CCSER2: variants seen among roughly 807,000 people sequenced by gnomAD.
CCSER2 encodes serine-rich coiled-coil domain-containing protein 2.
Under a neutral mutation model 92.3 loss-of-function variants are expected in CCSER2, and 46 were observed. The observed-to-expected ratio is 0.50, with a 90% CI of 0.39 to 0.64. The LOEUF (loss-of-function observed/expected upper bound fraction) is 0.64. Among genes scored for constraint, CCSER2 ranks in the 30% least tolerant of loss-of-function variants. CCSER2 has a pLI of 0.00. For synonymous variants in CCSER2, 433 were observed against 431.4 expected (o/e 1.00, Z -0.04); for missense variants, 1,244 against 1,238.9 (o/e 1.00, Z -0.06).
intron 3 of CCSER2, among the ~76,000 whole-genome samples, chr10:84,374,901 A>G (rs921002852): frequency 6.6e-5 from 10 of 152,182 alleles, no homozygotes; most frequent in African/African-American, 1.7e-4. Flanking sequence ...TACTTAAGCC[A>G]TTGTTAACGG....
At chr10:84,466,300 C>T (rs528775254) in intron 7 of CCSER2, among the ~76,000 whole-genome samples, 1 of 152,228 alleles carries the variant, frequency 6.6e-6, no homozygotes, top group African/African-American at 2.4e-5. Flanking sequence ...CTAAAGTCTC[C>T]ATTGGACCTA....
At chr10:84,356,635 A>G (rs1271042535) in intron 1 of CCSER2, among the ~76,000 whole-genome samples, 1 of 152,252 alleles carries the variant, frequency 6.6e-6, no homozygotes, top group African/African-American at 2.4e-5. Flanking sequence ...AAATTAGAAT[A>G]CATTATTAAG....
In CCSER2 at chr10:84,347,749, T is replaced by A. The variant is rs182296820; in HGVS notation, c.-40+18941T>A. 4.3e-3 allele frequency among the ~76,000 whole-genome samples: 613 copies of A among 141,804 alleles called. 6 individuals are homozygous for A. The highest frequency in any genetic ancestry group is 0.015 in the African/African-American group (576 of 37,230). The allele number at this position is 141,804 out of a possible 152,430, so 93.0% of individuals were successfully genotyped here. On this transcript the variant is annotated intron_variant, in intron 1 of 9. Transcript: ENST00000372088. Reference sequence around the variant, plus strand: ...CTCCTCACTTCTCAGACGGGGCGGCTGCCGGGCGGAGGGGCTCCTTCTCAG... The same window carrying A: ...CTCCTCACTTCTCAGACGGGGCGGCAGCCGGGCGGAGGGGCTCCTTCTCAG...
chr10:84,340,811 G>T (rs1188002757), intron 1 of CCSER2, among the ~76,000 whole-genome samples: 25 of 151,956 alleles, frequency 1.6e-4, no homozygotes, highest in Admixed American at 1.6e-3. Context: ...TTCTACATCT[G>T]ATGAGTTACT....
At chr10:84,506,578 A>G (rs1423138719) in intron 9 of CCSER2, among the ~76,000 whole-genome samples, 2 of 151,810 alleles carry the variant, frequency 1.3e-5, no homozygotes, top group African/African-American at 4.8e-5. Context: ...TGGATCACAA[A>G]GTCAGGAGTT....
intron 5 of CCSER2, among the ~76,000 whole-genome samples, chr10:84,427,083 T>A (rs1026388518): frequency 6.6e-6 from 1 of 152,212 alleles, no homozygotes; most frequent in Non-Finnish European, 1.5e-5. Context: ...AAACATATGA[T>A]CACAAATCCC....
chr10:84,471,350 T>A (rs1236527090), intron 8 of CCSER2, among the ~76,000 whole-genome samples: 1 of 151,824 alleles, frequency 6.6e-6, no homozygotes, highest in Admixed American at 6.6e-5. Flanking sequence ...AGGAAAATAA[T>A]AAGGCCTAGT....
intron 3 of CCSER2, among the ~76,000 whole-genome samples, chr10:84,411,573 A>G (rs1322614285): frequency 6.6e-6 from 1 of 151,990 alleles, no homozygotes; most frequent in Non-Finnish European, 1.5e-5. Context: ...TGTGGCAGTT[A>G]TGAATGGGAC....
chr10:84,457,937 G>A (rs1020914135), intron 6 of CCSER2, among the ~76,000 whole-genome samples: 1 of 151,372 alleles, frequency 6.6e-6, no homozygotes, highest in African/African-American at 2.4e-5. Flanking sequence ...GTAGAGATGG[G>A]GTTTTACCAT....
intron 3 of CCSER2, among the ~76,000 whole-genome samples, chr10:84,383,504 G>T (rs981926911): frequency 6.6e-6 from 1 of 151,942 alleles, no homozygotes; most frequent in Admixed American, 6.6e-5. Context: ...TAGAGACGGG[G>T]TTTCACCATG....
intron 1 of CCSER2, among the ~76,000 whole-genome samples, chr10:84,354,250 C>CTTTT (rs536114225): frequency 2.7e-5 from 4 of 145,858 alleles, no homozygotes; most frequent in African/African-American, 1.0e-4. Context: ...TCTCAAGTTA[C>CTTTT]TTTTTTTTTT....
At chr10:84,495,432 T>C (rs1424600968) in intron 9 of CCSER2, among the ~76,000 whole-genome samples, 1 of 152,210 alleles carries the variant, frequency 6.6e-6, no homozygotes, top group Admixed American at 6.5e-5. Context: ...TGCTTTTTGC[T>C]ATTGTTGGAT....
intron 5 of CCSER2, among the ~76,000 whole-genome samples, chr10:84,431,680 TG>T (rs1487572303): frequency 6.6e-6 from 1 of 151,978 alleles, no homozygotes; most frequent in African/African-American, 2.4e-5. Flanking sequence ...AGGTTGAGGC[TG>T]CAGTGAGCCG....
At chr10:84,433,906 G>T (rs567514476) in intron 5 of CCSER2, among the ~76,000 whole-genome samples, 1 of 152,126 alleles carries the variant, frequency 6.6e-6, no homozygotes, top group Admixed American at 6.6e-5. Flanking sequence ...ATCTCTAATG[G>T]TTCATTTCTT....
At chr10:84,364,322 C>G (rs1371238585) in intron 1 of CCSER2, among the ~76,000 whole-genome samples, 1 of 152,190 alleles carries the variant, frequency 6.6e-6, no homozygotes, top group Non-Finnish European at 1.5e-5. Flanking sequence ...TTTTTCAGCT[C>G]CACTGTAATC....
In CCSER2 at chr10:84,349,514, G is replaced by A. The variant is rs186977220; in HGVS notation, c.-40+20706G>A. The stretch of plus-strand genomic sequence containing the variant: ...AGACCACACTCCCCCGCCCACCCCC[G>A]TCTACAAAAATTAAAAAGTTAGCTG... On this transcript the variant is annotated intron_variant, in intron 1 of 9. Transcript: ENST00000372088. Among the ~76,000 whole-genome samples, 609 of 151,106 alleles carry A rather than the reference G, an allele frequency of 4.0e-3. 5 individuals carry two copies. Among genetic ancestry groups the A allele is most frequent in the African/African-American group, 0.014 (566 of 41,218 alleles).
intron 9 of CCSER2, among the ~76,000 whole-genome samples, chr10:84,483,996 T>A (rs1489895108): frequency 8.3e-5 from 8 of 96,328 alleles, no homozygotes; most frequent in Non-Finnish European, 1.1e-4. Context: ...TATATATATA[T>A]AATTTTTTTT....
intron 7 of CCSER2, among the ~76,000 whole-genome samples, chr10:84,470,134 A>G (rs61866499): frequency 0.058 from 8,731 of 151,444 alleles, 325 homozygotes; most frequent in Middle Eastern, 0.11. Context: ...AATAAGTGCA[A>G]GTGCTTAGTT....
chr10:84,508,014 G>A (rs907833243), intron 9 of CCSER2, among the ~76,000 whole-genome samples: 1 of 152,096 alleles, frequency 6.6e-6, no homozygotes, highest in African/African-American at 2.4e-5. Context: ...ATAATCATCT[G>A]GTTATACTGT....
Sources: gnomAD v4.1 joint callset for allele counts (sites outside exome capture counted in the v4.1 genomes callset) on GRCh38, gnomAD v4.1.1 for gene constraint, MANE v1.5 for transcripts, NCBI Gene and HGNC (gene_info 2026-07-23, HGNC 2026-07-21) for gene names.